Variants in PTPN14 observed in about 807,000 individuals in gnomAD.
PTPN14 encodes protein tyrosine phosphatase non-receptor type 14.
PTPN14 carries 53 observed loss-of-function variants against 126.8 expected under a neutral mutation model. That is an observed-to-expected ratio of 0.42 (90% confidence interval 0.34 to 0.53). The LOEUF (loss-of-function observed/expected upper bound fraction) is 0.53, where lower values mean the gene tolerates loss of function less well. Among genes scored for constraint, PTPN14 ranks in the 20% least tolerant of loss-of-function variants. The pLI, the probability that PTPN14 is intolerant of heterozygous loss-of-function variation, is 0.08. For synonymous variants in PTPN14, 630 were observed against 599.3 expected (o/e 1.05, Z -0.75); for missense variants, 1,257 against 1,552.9 (o/e 0.81, Z 3.20).
At chr1:214,532,310 T>A (rs752294535) in intron 1 of PTPN14, 2 of 500,814 alleles carry the variant, frequency 4.0e-6, no homozygotes, top group South Asian at 3.7e-5. Context: ...GGGGCTCTGG[T>A]TTCCAGATCT....
chr1:214,437,836 C>T (rs1471165570), intron 3 of PTPN14, among the ~76,000 whole-genome samples: 2 of 152,188 alleles, frequency 1.3e-5, no homozygotes, highest in African/African-American at 4.8e-5. Flanking sequence ...CAGAAAAGAC[C>T]AGCTACAGCT....
At chr1:214,533,110 T>A in intron 1 of PTPN14, 1 of 731,698 alleles carries the variant, frequency 1.4e-6, no homozygotes, top group Non-Finnish European at 2.5e-6. Flanking sequence ...CGACCTGGAC[T>A]CCATGAAAAA....
At chr1:214,501,062 CA>C (rs1654677568) in intron 1 of PTPN14, among the ~76,000 whole-genome samples, 1 of 152,258 alleles carries the variant, frequency 6.6e-6, no homozygotes, top group Non-Finnish European at 1.5e-5. Flanking sequence ...ATAGGCTGTA[CA>C]ATTTTAAGGC....
chr1:214,430,065 T>A (rs139834321), intron 3 of PTPN14, among the ~76,000 whole-genome samples: 114 of 152,334 alleles, frequency 7.5e-4, no homozygotes, highest in African/African-American at 2.5e-3. Context: ...ATTCTTTAGC[T>A]GAAATATAAA....
At chr1:214,434,001 G>A (rs531893942) in intron 3 of PTPN14, among the ~76,000 whole-genome samples, 4 of 149,722 alleles carry the variant, frequency 2.7e-5, no homozygotes, top group Admixed American at 2.0e-4. Flanking sequence ...GCATGGTGGT[G>A]CATGCCTGTG....
At chr1:214,508,008 A>G (rs776111678) in intron 1 of PTPN14, among the ~76,000 whole-genome samples, 6 of 152,012 alleles carry the variant, frequency 3.9e-5, no homozygotes, top group Non-Finnish European at 8.8e-5. Flanking sequence ...AAAAAAAAAT[A>G]CTGTATTGCT....
chr1:214,454,154 T>G (rs1197201953), intron 2 of PTPN14, among the ~76,000 whole-genome samples: 2 of 152,206 alleles, frequency 1.3e-5, no homozygotes, highest in Non-Finnish European at 2.9e-5. Context: ...ATGCAGCAAT[T>G]ATTAAAGTTG....
intron 5 of PTPN14, among the ~76,000 whole-genome samples, chr1:214,406,478 G>GAAA (rs551324659): frequency 8.6e-6 from 1 of 116,420 alleles, no homozygotes. Flanking sequence ...GAGATTGTCT[G>GAAA]AAAAAAAAAA....
intron 3 of PTPN14, among the ~76,000 whole-genome samples, chr1:214,421,819 A>G (rs1430915991): frequency 1.3e-5 from 2 of 151,908 alleles, no homozygotes; most frequent in East Asian, 3.9e-4. Flanking sequence ...ACCCTTGCCT[A>G]TCCTCCATTT....
chr1:214,451,930 T>A lies in PTPN14; in HGVS notation c.219A>T (p.Ala73=), dbSNP rs141091959. ...GAGGTTTCTCCAGCTCCACCCATCG[T>A]GCTTGCTGGCTCTTGCTGAGAAACC... ...GLWFLSKSQQ[A]RWVELEKPLK... Residue 73 remains alanine (A), a synonymous_variant, in exon 3 of 19, where the codon GCA becomes GCT. Transcript: ENST00000366956. The A allele has an allele frequency of 8.8e-5, 142 of 1,614,112 alleles. No homozygotes were observed. Among genetic ancestry groups the A allele is most frequent in the Non-Finnish European group, 1.2e-4 (137 of 1,180,038 alleles).
chr1:214,438,389 G>A (rs894941331), intron 3 of PTPN14, among the ~76,000 whole-genome samples: 3 of 152,200 alleles, frequency 2.0e-5, no homozygotes, highest in African/African-American at 7.2e-5. Context: ...GGACTGGAAT[G>A]AGGGTGGGGA....
At chr1:214,437,435 A>G (rs1659945384) in intron 3 of PTPN14, among the ~76,000 whole-genome samples, 1 of 152,166 alleles carries the variant, frequency 6.6e-6, no homozygotes, top group Non-Finnish European at 1.5e-5. Flanking sequence ...AAATTTAATA[A>G]TAAATAAAGG....
chr1:214,509,880 T>C (rs1654930502), intron 1 of PTPN14, among the ~76,000 whole-genome samples: 2 of 152,172 alleles, frequency 1.3e-5, no homozygotes, highest in South Asian at 4.1e-4. Flanking sequence ...GAGCAAACTA[T>C]TGCAAGGACA....
At chr1:214,514,940 G>T (rs2102448989) in intron 1 of PTPN14, among the ~76,000 whole-genome samples, 1 of 152,288 alleles carries the variant, frequency 6.6e-6, no homozygotes, top group South Asian at 2.1e-4. Flanking sequence ...GCAGAACTTT[G>T]TTCGGTCGCC....
chr1:214,363,174 C>T (rs569381510), intron 18 of PTPN14, among the ~76,000 whole-genome samples: 3 of 152,332 alleles, frequency 2.0e-5, no homozygotes, highest in Non-Finnish European at 2.9e-5. Context: ...ATGAACATTT[C>T]GCTCAAGCTT....
In PTPN14 at chr1:214,383,151, G is replaced by C. The variant is rs897821415; in HGVS notation, c.2544+160C>G. On this transcript the variant is annotated intron_variant, in intron 13 of 18. Coordinates refer to ENST00000366956, the MANE Select transcript of PTPN14 (RefSeq NM_005401.5). This position sits in a 1 kb window ranked among gnomAD's most constrained non-coding sequence, Gnocchi z 4.4. Reference sequence around the variant, plus strand: ...TGAGAATGGAAGATTTATCTGAAAGGGCAAAAACTCAACATTTTGTGTAAT... The same window carrying C: ...TGAGAATGGAAGATTTATCTGAAAGCGCAAAAACTCAACATTTTGTGTAAT... Among the ~76,000 whole-genome samples, 3 of 152,300 alleles carry C rather than the reference G, an allele frequency of 2.0e-5. No homozygotes were observed. Among genetic ancestry groups the C allele is most frequent in the Admixed American group, 6.5e-5 (1 of 15,300 alleles).
intron 5 of PTPN14, among the ~76,000 whole-genome samples, chr1:214,405,595 C>G (rs1227248149): frequency 6.7e-6 from 1 of 148,938 alleles, no homozygotes; most frequent in Non-Finnish European, 1.5e-5. Context: ...TCTGTCTGCT[C>G]ACATAACAAA....
At chr1:214,438,927 T>C (rs1376828357) in intron 3 of PTPN14, among the ~76,000 whole-genome samples, 1 of 152,244 alleles carries the variant, frequency 6.6e-6, no homozygotes, top group Non-Finnish European at 1.5e-5. Flanking sequence ...ACAATAGCTA[T>C]GCTAGCATCA....
At chr1:214,404,293 C>T (rs577591193) in intron 5 of PTPN14, among the ~76,000 whole-genome samples, 6 of 152,108 alleles carry the variant, frequency 3.9e-5, no homozygotes, top group African/African-American at 1.2e-4. Context: ...TTAGAGCAGA[C>T]GGGGAATTAT....
Sources: allele counts gnomAD v4.1 joint callset (sites outside exome capture counted in the v4.1 genomes callset), GRCh38; gene constraint gnomAD v4.1.1; non-coding constraint Gnocchi (gnomAD v3.1); transcripts MANE v1.5; gene names NCBI Gene and HGNC (gene_info 2026-07-23, HGNC 2026-07-21).